The following GTF2H4 variants were observed in gnomAD, a reference collection of about 807,000 sequenced individuals.
The protein encoded by GTF2H4 is general transcription factor IIH subunit 4, also known as BTF2 p52.
GTF2H4 carries 49 observed loss-of-function variants against 62.2 expected under a neutral mutation model. That is an observed-to-expected ratio of 0.79 (90% CI 0.63 to 1.00). The LOEUF is 1.00. Among genes scored for constraint, GTF2H4 ranks in the 50% least tolerant of loss-of-function variants. The pLI is 0.00. For missense variants in GTF2H4, 479 were observed against 587.8 expected, an observed-to-expected ratio of 0.81 and a Z score of 1.91; for synonymous variants, 189 against 233.8, an observed-to-expected ratio of 0.81 and a Z score of 1.75.
Position 30,913,295 on chromosome 6 carries a change from C to G in GTF2H4, c.1138-14C>G, listed in dbSNP as rs763051048. The G allele has an allele frequency of 6.2e-7, 1 of 1,613,824 alleles. No homozygotes were observed. Among genetic ancestry groups the G allele is most frequent in the Admixed American group, 1.7e-5 (1 of 59,978 alleles). ...GTATTCTGAGTCCCTACAGTCAACCCTTGCTCCTTGCAGACACCTGTGCTG... is the reference window on the plus strand; with the variant it reads ...GTATTCTGAGTCCCTACAGTCAACCGTTGCTCCTTGCAGACACCTGTGCTG... On this transcript the variant is annotated splice_polypyrimidine_tract_variant and intron_variant, in intron 12 of 13. Transcript: ENST00000259895. The surrounding 1 kb of genome is among the most constrained non-coding windows in gnomAD (Gnocchi z 4.2).
rs963887589 is a variant in GTF2H4, at chr6:30,909,628, T to C, written c.242+89T>C. ...CACTTCCAGGAAGTGTTAATAGATA[T>C]ATCACAAAACTTAAAAATAAATACA... is the stretch of plus-strand genomic sequence containing the variant. On this transcript the variant is annotated intron_variant, in intron 3 of 13. Coordinates refer to ENST00000259895, the MANE Select transcript of GTF2H4 (RefSeq NM_001517.5). The surrounding 1 kb of genome is among the most constrained non-coding windows in gnomAD (Gnocchi z 4.3). 7.6e-6 allele frequency: 6 copies of C among 786,242 alleles called. No homozygotes were observed. Among genetic ancestry groups the C allele is most frequent in the Admixed American group, 4.8e-5 (2 of 41,910 alleles). 48.7% of individuals were successfully genotyped at this position (786,242 alleles called of 1,614,324 possible). A position where few individuals can be genotyped will look rare whatever the true frequency, so the allele number is the denominator to read the frequency against.
rs765055947 is a variant in GTF2H4, at chr6:30,909,205, A to T, written c.137+32A>T. Reference sequence around the variant, plus strand: ...AGCCCCTTCATGGCAGGGAAATGTAATGGGGTCTGCGGAGTGGAATAAAAT... The same window carrying T: ...AGCCCCTTCATGGCAGGGAAATGTATTGGGGTCTGCGGAGTGGAATAAAAT... On this transcript the variant is annotated intron_variant, in intron 2 of 13. Coordinates refer to ENST00000259895, the MANE Select transcript of GTF2H4 (RefSeq NM_001517.5). This position sits in a 1 kb window ranked among gnomAD's most constrained non-coding sequence, Gnocchi z 4.3. 5 of 1,604,020 alleles carry T rather than the reference A, an allele frequency of 3.1e-6. No individual in the cohort carries two copies. The South Asian group carries it at 5.5e-5, about 18-fold the overall frequency.
Position 30,912,623 on chromosome 6 carries a change from C to T in GTF2H4, c.1089+165C>T. ...GGCTTTGGGTGTGAGAATAGGTAGA[C>T]CCTTGAGGGGAAAAAAACATGGAGG... On this transcript the variant is annotated intron_variant, in intron 11 of 13. Transcript: ENST00000259895. This position sits in a 1 kb window ranked among gnomAD's most constrained non-coding sequence, Gnocchi z 4.8. 6.6e-6 allele frequency among the ~76,000 whole-genome samples: 1 copy of T among 152,084 alleles called. No individual in the cohort carries two copies. The highest frequency in any genetic ancestry group is 1.9e-4 in the East Asian group (1 of 5,194).
Position 30,913,687 on chromosome 6 carries a change from C to T in GTF2H4, c.1217-124C>T. ...CATAGAGAATTAGTTTGTAAAATTG[C>T]GGTGGGGGCAAGCCCAGACCGCGTC... On this transcript the variant is annotated intron_variant, in intron 13 of 13. Coordinates refer to ENST00000259895, the MANE Select transcript of GTF2H4 (RefSeq NM_001517.5). This position sits in a 1 kb window ranked among gnomAD's most constrained non-coding sequence, Gnocchi z 4.2. 1.1e-6 allele frequency: 1 copy of T among 893,236 alleles called. No homozygotes were observed. The highest frequency in any genetic ancestry group is 1.7e-6 in the Non-Finnish European group (1 of 599,358). 55.3% of individuals were successfully genotyped at this position (893,236 alleles called of 1,614,324 possible).
Position 30,913,229 on chromosome 6 carries a change from C to A in GTF2H4, c.1137+72C>A. 1 of 1,612,170 alleles carries A rather than the reference C, an allele frequency of 6.2e-7. No homozygotes were observed. The highest frequency in any genetic ancestry group is 8.5e-7 in the Non-Finnish European group (1 of 1,178,560). On this transcript the variant is annotated intron_variant, in intron 12 of 13. Transcript: ENST00000259895. This position sits in a 1 kb window ranked among gnomAD's most constrained non-coding sequence, Gnocchi z 4.2. Reference sequence around the variant, plus strand: ...ATGATGGAAAAGAAAAAGGGGCATCCAAATCTGGGGAAGAAACAGAGGGCC... The same window carrying A: ...ATGATGGAAAAGAAAAAGGGGCATCAAAATCTGGGGAAGAAACAGAGGGCC...
chr6:30,909,017 A>C lies in GTF2H4; in HGVS notation c.-3-17A>C, dbSNP rs746731719. ...CATGGATGGTGAGGTTGCACTTCTG[A>C]CGTTTGCATTCCTCAGGTGATGGAG... is the stretch of plus-strand genomic sequence containing the variant. On this transcript the variant is annotated splice_polypyrimidine_tract_variant and intron_variant, in intron 1 of 13. Coordinates refer to ENST00000259895, the MANE Select transcript of GTF2H4 (RefSeq NM_001517.5). The surrounding 1 kb of genome is among the most constrained non-coding windows in gnomAD (Gnocchi z 4.3). The C allele has an allele frequency of 3.1e-6, 5 of 1,613,840 alleles. No homozygotes were observed. The highest frequency in any genetic ancestry group is 4.2e-6 in the Non-Finnish European group (5 of 1,179,966).
In GTF2H4 at chr6:30,909,611, G is replaced by A; in HGVS notation, c.242+72G>A. The A allele has an allele frequency of 1.1e-6, 1 of 940,338 alleles. No homozygotes were observed. The highest frequency in any genetic ancestry group is 1.7e-6 in the Non-Finnish European group (1 of 578,998). The allele number at this position is 940,338 out of a possible 1,614,324, so 58.2% of individuals were successfully genotyped here. On this transcript the variant is annotated intron_variant, in intron 3 of 13. Transcript: ENST00000259895. The surrounding 1 kb of genome is among the most constrained non-coding windows in gnomAD (Gnocchi z 4.3). ...ACTGCTGTTCCTTGGAGCACTTCCAGGAAGTGTTAATAGATATATCACAAA... is the reference window on the plus strand; with the variant it reads ...ACTGCTGTTCCTTGGAGCACTTCCAAGAAGTGTTAATAGATATATCACAAA...
chr6:30,910,965 GCTCT>G lies in GTF2H4; in HGVS notation c.560+27_560+30del. The G allele has an allele frequency of 2.6e-6, 4 of 1,559,156 alleles. No homozygotes were observed. The highest frequency in any genetic ancestry group is 3.5e-6 in the Non-Finnish European group (4 of 1,141,978). On this transcript the variant is annotated intron_variant, in intron 6 of 13. Transcript: ENST00000259895. The surrounding 1 kb of genome is among the most constrained non-coding windows in gnomAD (Gnocchi z 4.7). The stretch of plus-strand genomic sequence containing the variant: ...AGGTGAGGAAGCCGGAGGTACAGCA[GCTCT>G]CTGCTGTGCCATCTCCTTGGGTCCC...
At position 30,913,901 on chromosome 6, in the gene GTF2H4, C is replaced by T; in HGVS notation, c.1307C>T (p.Ser436Leu). The T allele has an allele frequency of 6.2e-7, 1 of 1,610,048 alleles. No individual in the cohort carries two copies. The highest frequency in any genetic ancestry group is 8.5e-7 in the Non-Finnish European group (1 of 1,178,820). Residue 436 changes from serine to leucine, a missense_variant, in exon 14 of 14, where the codon TCG (serine) becomes TTG (leucine). Transcript: ENST00000259895. This position sits in a 1 kb window ranked among gnomAD's most constrained non-coding sequence, Gnocchi z 4.2. The stretch of plus-strand genomic sequence containing the variant: ...CTGGGCGTGCTCGTGTTCGAGAACT[C>T]GGCCAAGCGGCTCATGGTGGTGACC... ...RELGVLVFEN[S>L]AKRLMVVTPA...
chr6:30,910,921 C>G lies in GTF2H4; in HGVS notation c.540C>G (p.Ser180Arg). ...AVSQDLAQLL[S>R]QAGLMKSTEP... ...GCCAGGACTTGGCTCAGCTCCTCAG[C>G]CAGGCTGGGCTCATGAAGAGGTGAG... The change falls in exon 6 of 14, where the codon AGC (serine) becomes AGG (arginine). Residue 180 changes from serine to arginine, a missense_variant. Ser to Arg is a moderately radical substitution (Grantham distance 110). Coordinates refer to ENST00000259895, the MANE Select transcript of GTF2H4 (RefSeq NM_001517.5). This position sits in a 1 kb window ranked among gnomAD's most constrained non-coding sequence, Gnocchi z 4.7. 2 of 1,609,488 alleles carry G rather than the reference C, an allele frequency of 1.2e-6. No individual in the cohort carries two copies. The highest frequency in any genetic ancestry group is 2.7e-5 in the African/African-American group (2 of 74,972).
In GTF2H4 at chr6:30,912,064, A is replaced by C. The variant is rs774195355; in HGVS notation, c.876A>C (p.Ser292=). The change falls in exon 10 of 14, where the codon TCA becomes TCC. Residue 292 remains serine (S), a synonymous_variant. Transcript: ENST00000259895. This position sits in a 1 kb window ranked among gnomAD's most constrained non-coding sequence, Gnocchi z 4.8. The stretch of plus-strand genomic sequence containing the variant: ...CACGCCTGGCCATCAATCTCTCATC[A>C]GGTGTCTCTGGAGCTGGGGGCACTG... ...YPTRLAINLS[S]GVSGAGGTVH... 1 of 1,612,980 alleles carries C rather than the reference A, an allele frequency of 6.2e-7. No individual in the cohort carries two copies. The highest frequency in any genetic ancestry group is 8.5e-7 in the Non-Finnish European group (1 of 1,180,000).
Position 30,911,305 on chromosome 6 carries a change from C to T in GTF2H4, c.672+36C>T, listed in dbSNP as rs369317884. 19 of 1,552,592 alleles carry T rather than the reference C, an allele frequency of 1.2e-5. No homozygotes were observed. The African/African-American group carries it at 2.2e-4, about 18-fold the overall frequency. ...AGGGCCACTTAACCAGCATGCTCTG[C>T]TCCTCTCAGGTCTCACTGAGAGACT... is the stretch of plus-strand genomic sequence containing the variant. On this transcript the variant is annotated intron_variant, in intron 7 of 13. Transcript: ENST00000259895. The surrounding 1 kb of genome is among the most constrained non-coding windows in gnomAD (Gnocchi z 4.3).
In GTF2H4 at chr6:30,912,037, C is replaced by A. The variant is rs1282217357; in HGVS notation, c.849C>A (p.Pro283=). ...QRKRKSRRYY[P]TRLAINLSSG... is the part of the protein sequence containing the mutation. ...AGAGGAAATCTCGGCGTTACTACCC[C>A]ACACGCCTGGCCATCAATCTCTCAT... The change falls in exon 10 of 14, where the codon CCC becomes CCA. Residue 283 remains proline, a synonymous_variant. Transcript: ENST00000259895. This position sits in a 1 kb window ranked among gnomAD's most constrained non-coding sequence, Gnocchi z 4.8. The A allele has an allele frequency of 6.2e-7, 1 of 1,612,878 alleles. No homozygotes were observed. The highest frequency in any genetic ancestry group is 1.1e-5 in the South Asian group (1 of 91,058).
rs1190793247 is a variant in GTF2H4 at position 30,911,287 on chromosome 6, C to G, written c.672+18C>G. The stretch of plus-strand genomic sequence containing the variant: ...CAGCCCAGGTGAGGAGGCAGGGCCA[C>G]TTAACCAGCATGCTCTGCTCCTCTC... On this transcript the variant is annotated intron_variant, in intron 7 of 13. Coordinates refer to ENST00000259895, the MANE Select transcript of GTF2H4 (RefSeq NM_001517.5). This position sits in a 1 kb window ranked among gnomAD's most constrained non-coding sequence, Gnocchi z 4.3. The G allele has an allele frequency of 6.3e-7, 1 of 1,584,950 alleles. No individual in the cohort carries two copies. The highest frequency in any genetic ancestry group is 1.1e-5 in the South Asian group (1 of 90,530).
rs570747909 is a variant in GTF2H4 at position 30,910,776 on chromosome 6, G to T, written c.471+15G>T. The T allele has an allele frequency of 1.6e-5, 25 of 1,606,612 alleles. No individual in the cohort carries two copies. The Admixed American group carries it at 2.7e-4, about 17-fold the overall frequency. ...AGCGATGGGAGGTAAGCACTTGGGA[G>T]TGTGTGTGTCTCTGCTTGTGCTTCT... On this transcript the variant is annotated intron_variant, in intron 5 of 13. Coordinates refer to ENST00000259895, the MANE Select transcript of GTF2H4 (RefSeq NM_001517.5). This position sits in a 1 kb window ranked among gnomAD's most constrained non-coding sequence, Gnocchi z 4.7.
In GTF2H4 at chr6:30,909,556, T is replaced by C. The variant is rs757115479; in HGVS notation, c.242+17T>C. 3.3e-6 allele frequency: 5 copies of C among 1,497,196 alleles called. No individual in the cohort carries two copies. The highest frequency in any genetic ancestry group is 2.8e-6 in the Non-Finnish European group (3 of 1,074,912). 92.7% of individuals were successfully genotyped at this position (1,497,196 alleles called of 1,614,324 possible). ...ATTCAGCAAGTAAGTCTCAGCCAGA[T>C]ACAAATTTCTCAACAGCTACATTTC... On this transcript the variant is annotated intron_variant, in intron 3 of 13. Coordinates refer to ENST00000259895, the MANE Select transcript of GTF2H4 (RefSeq NM_001517.5). This position sits in a 1 kb window ranked among gnomAD's most constrained non-coding sequence, Gnocchi z 4.3.
rs559403149 is a variant in GTF2H4 at position 30,913,341 on chromosome 6, G to A, written c.1170G>A (p.Gln390=). The change falls in exon 13 of 14, where the codon CAG becomes CAA. Residue 390 remains glutamine, a synonymous_variant. Transcript: ENST00000259895. This position sits in a 1 kb window ranked among gnomAD's most constrained non-coding sequence, Gnocchi z 4.2. ...TPVLPPTITD[Q]IRLWELERDR... is the part of the protein sequence containing the mutation. ...TGCTGCCCCCCACCATCACCGACCA[G>A]ATCCGGCTCTGGGAGCTGGAAAGGG... 6 of 1,613,414 alleles carry A rather than the reference G, an allele frequency of 3.7e-6. No individual in the cohort carries two copies. Among genetic ancestry groups the A allele is most frequent in the Non-Finnish European group, 5.1e-6 (6 of 1,180,020 alleles).
Position 30,913,992 on chromosome 6 carries a change from G to A in GTF2H4, c.*9G>A, listed in dbSNP as rs753582114. Reference sequence around the variant, plus strand: ...AGAAACATAGCTCCTGAGAGCGCGGGACTTGGACACGGACCTCGGCGGGCG... The same window carrying A: ...AGAAACATAGCTCCTGAGAGCGCGGAACTTGGACACGGACCTCGGCGGGCG... On this transcript the variant is annotated 3_prime_UTR_variant, in exon 14 of 14. Coordinates refer to ENST00000259895, the MANE Select transcript of GTF2H4 (RefSeq NM_001517.5). The surrounding 1 kb of genome is among the most constrained non-coding windows in gnomAD (Gnocchi z 4.2). 1 of 1,563,438 alleles carries A rather than the reference G, an allele frequency of 6.4e-7. No individual in the cohort carries two copies. Among genetic ancestry groups the A allele is most frequent in the Non-Finnish European group, 8.7e-7 (1 of 1,147,810 alleles).
At position 30,912,633 on chromosome 6, in the gene GTF2H4, GA is replaced by G. The variant is rs1411069186; in HGVS notation, c.1089+182del. On this transcript the variant is annotated intron_variant, in intron 11 of 13. Transcript: ENST00000259895. This position sits in a 1 kb window ranked among gnomAD's most constrained non-coding sequence, Gnocchi z 4.8. ...GTGAGAATAGGTAGACCCTTGAGGG[GA>G]AAAAAACATGGAGGGAGGAGGTATA... Among the ~76,000 whole-genome samples the G allele has an allele frequency of 6.6e-6, 1 of 152,038 alleles. No individual in the cohort carries two copies. The highest frequency in any genetic ancestry group is 1.5e-5 in the Non-Finnish European group (1 of 67,986).
Sources: allele counts gnomAD v4.1 joint callset (sites outside exome capture counted in the v4.1 genomes callset), GRCh38; gene constraint gnomAD v4.1.1; non-coding constraint Gnocchi (gnomAD v3.1); transcripts MANE v1.5; gene names NCBI Gene and HGNC (gene_info 2026-07-23, HGNC 2026-07-21).